The following ADCK5 variants were observed in gnomAD, a reference collection of about 807,000 sequenced individuals.
ADCK5 encodes the protein aarF domain containing kinase 5.
In ADCK5, 43 loss-of-function variants were observed where a neutral mutation model predicts 64.9. The observed-to-expected ratio is 0.66, with a 90% CI of 0.52 to 0.85. The LOEUF (loss-of-function observed/expected upper bound fraction) is 0.85, where lower values mean the gene tolerates loss of function less well. Among genes scored for constraint, ADCK5 ranks in the 40% least tolerant of loss-of-function variants. The probability of loss-of-function intolerance (pLI) is 0.00; values close to 1 mark genes in which losing one functional copy is unlikely to be tolerated. For missense variants in ADCK5, 760 were observed against 810.5 expected (o/e 0.94, Z 0.76); for synonymous variants, 434 against 342.8 (o/e 1.27, Z -2.94).
chr8:144,384,329 G>A lies in ADCK5; in HGVS notation c.266+1099G>A, dbSNP rs782258127. Among the ~76,000 whole-genome samples the A allele has an allele frequency of 6.6e-6, 1 of 152,080 alleles. No individual in the cohort carries two copies. The highest frequency in any genetic ancestry group is 2.4e-5 in the African/African-American group (1 of 41,408). On this transcript the variant is annotated intron_variant, in intron 3 of 14. Transcript: ENST00000308860. The surrounding 1 kb of genome is among the most constrained non-coding windows in gnomAD (Gnocchi z 5.7). Reference sequence around the variant, plus strand: ...AGGTCAGTTTCTCAGCAAGTGCCTCGGCTTCTGGTGCCTTCAGAGATTTCA... The same window carrying A: ...AGGTCAGTTTCTCAGCAAGTGCCTCAGCTTCTGGTGCCTTCAGAGATTTCA...
chr8:144,390,120 T>C (rs1820139912), intron 3 of ADCK5, among the ~76,000 whole-genome samples: 1 of 152,006 alleles, frequency 6.6e-6, no homozygotes, highest in Admixed American at 6.6e-5. Flanking sequence ...CGTGAGCCAC[T>C]GTGCCCAGCT....
At chr8:144,386,948 C>A (rs1819949711) in intron 3 of ADCK5, among the ~76,000 whole-genome samples, 1 of 152,352 alleles carries the variant, frequency 6.6e-6, no homozygotes, top group South Asian at 2.1e-4. Flanking sequence ...CATGATTGGA[C>A]ACCTTTGAAG....
chr8:144,392,427 CCCTCCCTCCCTCCCCAGACTA>C lies in ADCK5; in HGVS notation c.1268-12_1276del. The C allele has an allele frequency of 8.4e-7, 1 of 1,184,874 alleles. No homozygotes were observed. The highest frequency in any genetic ancestry group is 1.2e-6 in the Non-Finnish European group (1 of 857,068). 73.4% of individuals were successfully genotyped at this position (1,184,874 alleles called of 1,614,324 possible). On this transcript the variant is annotated splice_acceptor_variant and splice_polypyrimidine_tract_variant and coding_sequence_variant and intron_variant, in exon 13 of 15. Transcript: ENST00000308860. LOFTEE classifies it high-confidence loss of function. ...CCCACTCAGAGCCCCCTCCCTCCCT[CCCTCCCTCCCTCCCCAGACTA>C]CCTCCTGTTCGCCGAGATGCTCATG...
At position 144,390,900 on chromosome 8, in the gene ADCK5, G is replaced by A. The variant is rs1820188914; in HGVS notation, c.387G>A (p.Arg129=). The change falls in exon 5 of 15, where the codon CGG becomes CGA. Residue 129 remains arginine, a synonymous_variant. Coordinates refer to ENST00000308860, the MANE Select transcript of ADCK5 (RefSeq NM_174922.5). ...AGGTGATGTCTGCGTGTCACCAGCG[G>A]GCGGCTGATGCCCTGGTGGCAGGGG... is the stretch of plus-strand genomic sequence containing the variant. The part of the protein sequence containing the change: ...YLEVMSACHQ[R]AADALVAGAI... 2.5e-6 allele frequency: 4 copies of A among 1,612,868 alleles called. No individual in the cohort carries two copies. In the East Asian group the frequency reaches 8.9e-5, roughly 36 times the overall value.
chr8:144,375,323 G>T (rs1420148276), intron 1 of ADCK5: 10 of 448,028 alleles, frequency 2.2e-5, no homozygotes, highest in Non-Finnish European at 2.9e-5. Flanking sequence ...GTCTGTGGTC[G>T]CCAGACCCAC....
In ADCK5 at chr8:144,390,696, T is replaced by C; in HGVS notation, c.292T>C (p.Ser98Pro). The change falls in exon 4 of 15, where the codon TCC becomes CCC. Residue 98 changes from serine to proline, a missense_variant. This residue lies in a region of ADCK5 where 427 missense variants were observed against 518.4 expected (regional missense o/e 0.82). Coordinates refer to ENST00000308860, the MANE Select transcript of ADCK5 (RefSeq NM_174922.5). ...GTCTCTGAAGGTCGGCCTGCAGATCTCCCTGGACTACTGGTGGTGCACCAA... is the reference window on the plus strand; with the variant it reads ...GTCTCTGAAGGTCGGCCTGCAGATCCCCCTGGACTACTGGTGGTGCACCAA... ...GRSLKVGLQI[S>P]LDYWWCTNVV... The C allele has an allele frequency of 6.2e-7, 1 of 1,613,832 alleles. No individual in the cohort carries two copies.
At chr8:144,373,557 C>CA (rs1819237028), upstream of ADCK5, among the ~76,000 whole-genome samples, 1 of 152,230 alleles carries the variant, frequency 6.6e-6, no homozygotes, top group Admixed American at 6.5e-5. Context: ...AAGGTCTCCC[C>CA]ATGGGCACGG....
chr8:144,392,178 C>T lies in ADCK5; in HGVS notation c.1175+8C>T, dbSNP rs782590320. 8.8e-6 allele frequency: 3 copies of T among 339,130 alleles called. No homozygotes were observed. The highest frequency in any genetic ancestry group is 1.7e-5 in the Non-Finnish European group (3 of 173,602). 21.0% of individuals were successfully genotyped at this position (339,130 alleles called of 1,614,324 possible). A position where few individuals can be genotyped will look rare whatever the true frequency, so the allele number is the denominator to read the frequency against. On this transcript the variant is annotated splice_region_variant and intron_variant, in intron 11 of 14. Coordinates refer to ENST00000308860, the MANE Select transcript of ADCK5 (RefSeq NM_174922.5). ...CCAGTTCCTGGAGGAGAAGTGAGCG[C>T]GGGTGGGTGGGCGTGGGGCAGGGCA... is the stretch of plus-strand genomic sequence containing the variant.
chr8:144,392,796 G>A lies in ADCK5; in HGVS notation c.1541G>A (p.Arg514His), dbSNP rs1417497160. 1.9e-6 allele frequency: 3 copies of A among 1,591,296 alleles called. No homozygotes were observed. The highest frequency in any genetic ancestry group is 4.5e-5 in the East Asian group (2 of 44,450). Reference protein sequence around the residue: ...MAKRAVRGWSRLAGATYRGVY... With the variant: ...MAKRAVRGWSHLAGATYRGVY... The stretch of plus-strand genomic sequence containing the variant: ...TGCAGGGCTGTCCGGGGCTGGAGCC[G>A]CCTGGCGGGCGCCACGTATCGGGGT... Residue 514 changes from arginine to histidine, a missense_variant, in exon 14 of 15, where the codon CGC (arginine) becomes CAC (histidine). By Grantham distance (29) the Arg-to-His change is conservative (BLOSUM62 0). Around this residue, in one of 2 missense-constraint regions of ADCK5, gnomAD observed 333 missense variants for 292.0 expected, o/e 1.14. Transcript: ENST00000308860.
At chr8:144,380,395 G>A (rs1586578151) in intron 2 of ADCK5, among the ~76,000 whole-genome samples, 1 of 152,358 alleles carries the variant, frequency 6.6e-6, no homozygotes, top group South Asian at 2.1e-4. Context: ...AGGATTATGG[G>A]CCGGGTGTAG....
intron 3 of ADCK5, among the ~76,000 whole-genome samples, chr8:144,385,219 C>A (rs1819861263): frequency 6.8e-6 from 1 of 147,770 alleles, no homozygotes; most frequent in Non-Finnish European, 1.5e-5. Flanking sequence ...GAGTCTTGCT[C>A]TGTCACCCAG....
At position 144,392,822 on chromosome 8, in the gene ADCK5, G is replaced by C; in HGVS notation, c.1567G>C (p.Val523Leu). The change falls in exon 14 of 15, where the codon GTC becomes CTC. Residue 523 changes from valine to leucine, a missense_variant. Val to Leu is a conservative substitution (Grantham distance 32). Around this residue, in one of 2 missense-constraint regions of ADCK5, gnomAD observed 333 missense variants for 292.0 expected, o/e 1.14. Coordinates refer to ENST00000308860, the MANE Select transcript of ADCK5 (RefSeq NM_174922.5). ...SRLAGATYRG[V>L]YGTSLLRHAK... ...CCTGGCGGGCGCCACGTATCGGGGT[G>C]TCTACGGCACCAGCCTCCTGCGCCA... The C allele has an allele frequency of 2.5e-6, 4 of 1,592,862 alleles. No individual in the cohort carries two copies. The highest frequency in any genetic ancestry group is 3.4e-6 in the Non-Finnish European group (4 of 1,174,234).
chr8:144,391,727 C>T lies in ADCK5; in HGVS notation c.930+16C>T. The T allele has an allele frequency of 1.3e-6, 2 of 1,538,478 alleles. No individual in the cohort carries two copies. Among genetic ancestry groups the T allele is most frequent in the Non-Finnish European group, 8.7e-7 (1 of 1,147,138 alleles). On this transcript the variant is annotated intron_variant, in intron 8 of 14. Coordinates refer to ENST00000308860, the MANE Select transcript of ADCK5 (RefSeq NM_174922.5). ...GTCCAGCAAGGTGGGCTGGGCCAGG[C>T]CCTTGGGGTGGGCACAGCGCTGGGC...
chr8:144,387,432 G>C (rs1465115489), intron 3 of ADCK5, among the ~76,000 whole-genome samples: 7 of 151,816 alleles, frequency 4.6e-5, no homozygotes, highest in Admixed American at 2.6e-4. Context: ...AGACAGTCTT[G>C]CTCTGTCACT....
At chr8:144,382,290 G>A (rs1326116624) in intron 2 of ADCK5, among the ~76,000 whole-genome samples, 2 of 152,240 alleles carry the variant, frequency 1.3e-5, no homozygotes, top group African/African-American at 4.8e-5. Context: ...TATGGGCCGG[G>A]TGCAGAAACA....
In ADCK5 at chr8:144,392,997, G is replaced by T; in HGVS notation, c.1666G>T (p.Ala556Ser). ...RLETLAMRLT[A>S]LLARALVHLS... is the part of the protein sequence containing the mutation. ...GGAGACCTTGGCCATGCGGCTGACC[G>T]CCCTCCTGGCTCGTGCTCTGGTCCA... The change falls in exon 15 of 15, where the codon GCC becomes TCC. Residue 556 changes from alanine to serine, a missense_variant. By Grantham distance (99) the Ala-to-Ser change is moderately conservative. Around this residue, in one of 2 missense-constraint regions of ADCK5, gnomAD observed 333 missense variants for 292.0 expected, o/e 1.14. Coordinates refer to ENST00000308860, the MANE Select transcript of ADCK5 (RefSeq NM_174922.5). 1 of 1,588,904 alleles carries T rather than the reference G, an allele frequency of 6.3e-7. No homozygotes were observed.
chr8:144,391,514 CGTAGGCAGAGCTG>C, intron 7 of ADCK5, 40 bp downstream of exon 7: 1 of 1,593,526 alleles, frequency 6.3e-7, no homozygotes, highest in East Asian at 2.3e-5. Flanking sequence ...GGAGCAAACA[CGTAGGCAGAGCTG>C]GTAGGAGCAG....
At chr8:144,375,510 C>A in intron 1 of ADCK5, 1 of 985,460 alleles carries the variant, frequency 1.0e-6, no homozygotes, top group Non-Finnish European at 1.2e-6. Flanking sequence ...CTCACTGCTG[C>A]GGCCGGGCCT....
chr8:144,373,181 G>T (rs1048833879), upstream of ADCK5: 12 of 152,724 alleles, frequency 7.9e-5, no homozygotes, highest in African/African-American at 2.4e-4. Context: ...TCACAGTGGG[G>T]TCTAGGAGGG....
Sources: allele counts gnomAD v4.1 joint callset (sites outside exome capture counted in the v4.1 genomes callset), GRCh38; gene constraint gnomAD v4.1.1; regional missense constraint gnomAD v4.1.1; non-coding constraint Gnocchi (gnomAD v3.1); transcripts MANE v1.5; gene names NCBI Gene and HGNC (gene_info 2026-07-23, HGNC 2026-07-21).